Variants in XYLT1 observed in about 807,000 individuals in gnomAD.
XYLT1 encodes beta-D-xylosyltransferase 1.
XYLT1 carries 36 observed loss-of-function variants against 91.3 expected under a neutral mutation model. The observed-to-expected ratio is 0.39, with a 90% confidence interval of 0.30 to 0.52. XYLT1 has a LOEUF of 0.52. XYLT1 is among the 20% of genes least tolerant of loss of function. The probability of loss-of-function intolerance (pLI) is 0.68; values close to 1 mark genes in which losing one functional copy is unlikely to be tolerated. For synonymous variants in XYLT1, 588 were observed against 532.0 expected, an observed-to-expected ratio of 1.11 and a Z score of -1.45; for missense variants, 1,242 against 1,284.5, an observed-to-expected ratio of 0.97 and a Z score of 0.51.
At chr16:17,198,655 G>C (rs568095421) in intron 4 of XYLT1, among the ~76,000 whole-genome samples, 1 of 152,280 alleles carries the variant, frequency 6.6e-6, no homozygotes, top group African/African-American at 2.4e-5. Context: ...GCACTTCTGA[G>C]CTAATGGTTC....
chr16:17,198,108 G>T, intron 5 of XYLT1, 104 bp downstream of exon 5: 1 of 1,187,544 alleles, frequency 8.4e-7, no homozygotes, highest in Non-Finnish European at 1.2e-6. Flanking sequence ...GAGCGATCCT[G>T]TGGAGACTAT....
At chr16:17,201,568 A>G (rs2032543097) in intron 3 of XYLT1, among the ~76,000 whole-genome samples, 1 of 150,232 alleles carries the variant, frequency 6.7e-6, no homozygotes, top group Non-Finnish European at 1.5e-5. Context: ...TCCACCTCTC[A>G]GGTTCAAGTG....
intron 1 of XYLT1, among the ~76,000 whole-genome samples, chr16:17,392,352 C>T (rs979806219): frequency 1.1e-4 from 16 of 152,258 alleles, no homozygotes; most frequent in Admixed American, 2.0e-4. Flanking sequence ...GCTTCCTGGT[C>T]GTTGAGGTCT....
intron 3 of XYLT1, among the ~76,000 whole-genome samples, chr16:17,254,728 T>A (rs927554265): frequency 6.6e-6 from 1 of 152,082 alleles, no homozygotes; most frequent in African/African-American, 2.4e-5. Flanking sequence ...CAGTAAATAA[T>A]GGAAGTAACA....
In XYLT1 at chr16:17,259,330, C is replaced by G. The variant is rs1349440025; in HGVS notation, c.571G>C (p.Glu191Gln). The G allele has an allele frequency of 5.6e-6, 9 of 1,614,052 alleles. No individual in the cohort carries two copies. The highest frequency in any genetic ancestry group is 7.6e-6 in the Non-Finnish European group (9 of 1,180,040). ...LAKKPPSRQK[E>Q]LLKRKLEQQE... is the part of the protein sequence containing the mutation. Reference sequence around the variant, plus strand: ...TGTTCCAGCTTCCTTTTCAAAAGCTCCTTCTGTCTACTCGGTGGCTTCTTC... The same window carrying G: ...TGTTCCAGCTTCCTTTTCAAAAGCTGCTTCTGTCTACTCGGTGGCTTCTTC... The change falls in exon 3 of 12, where the codon GAG becomes CAG. Residue 191 changes from glutamate to glutamine, a missense_variant. Physicochemically the swap from Glu to Gln is conservative, Grantham distance 29 (BLOSUM62 2). This residue lies in a region of XYLT1 where 437 missense variants were observed against 411.5 expected (regional missense o/e 1.06). Coordinates refer to ENST00000261381, the MANE Select transcript of XYLT1 (RefSeq NM_022166.4).
intron 1 of XYLT1, among the ~76,000 whole-genome samples, chr16:17,417,593 T>C (rs2036195719): frequency 6.6e-6 from 1 of 152,126 alleles, no homozygotes; most frequent in South Asian, 2.1e-4. Flanking sequence ...TCAGGACTCT[T>C]CAAAGTTACA....
At chr16:17,325,988 T>C (rs2034795310) in intron 2 of XYLT1, among the ~76,000 whole-genome samples, 1 of 152,188 alleles carries the variant, frequency 6.6e-6, no homozygotes, top group African/African-American at 2.4e-5. Context: ...ATCCTGATTG[T>C]TTTCAAACAG....
chr16:17,289,353 TC>T (rs1350075944), intron 2 of XYLT1, among the ~76,000 whole-genome samples: 1 of 152,052 alleles, frequency 6.6e-6, no homozygotes, highest in East Asian at 1.9e-4. Context: ...CCTTTCTCTG[TC>T]TGTCGCCTCC....
chr16:17,284,090 T>C (rs1023571693), intron 2 of XYLT1, among the ~76,000 whole-genome samples: 10 of 152,164 alleles, frequency 6.6e-5, no homozygotes, highest in African/African-American at 2.2e-4. Flanking sequence ...CTTGGGCAAG[T>C]TACTTCTGAC....
intron 3 of XYLT1, among the ~76,000 whole-genome samples, chr16:17,213,915 C>A (rs1269321924): frequency 2.0e-5 from 3 of 152,200 alleles, no homozygotes; most frequent in Non-Finnish European, 4.4e-5. Flanking sequence ...CCGCACCTAG[C>A]CATTTGAGCA....
At chr16:17,383,533 T>C (rs2035707919) in intron 1 of XYLT1, among the ~76,000 whole-genome samples, 1 of 151,860 alleles carries the variant, frequency 6.6e-6, no homozygotes, top group Non-Finnish European at 1.5e-5. Flanking sequence ...TGACATACGG[T>C]CCTGGCTCGG....
intron 5 of XYLT1, among the ~76,000 whole-genome samples, chr16:17,170,220 T>C (rs906588996): frequency 2.0e-5 from 3 of 152,218 alleles, no homozygotes; most frequent in South Asian, 2.1e-4. Context: ...GAGAAAGGCA[T>C]GTCCACCCCT....
chr16:17,257,605 G>A (rs953921731), intron 3 of XYLT1, among the ~76,000 whole-genome samples: 1 of 152,172 alleles, frequency 6.6e-6, no homozygotes, highest in African/African-American at 2.4e-5. Context: ...AAACAACAGT[G>A]ACCACGAGTC....
rs2032872480 is a variant in XYLT1 at position 17,216,961 on chromosome 16, C to T, written c.914-16307G>A. Among the ~76,000 whole-genome samples, 2 of 152,204 alleles carry T rather than the reference C, an allele frequency of 1.3e-5. 1 individual carries two copies. The highest frequency in any genetic ancestry group is 4.8e-5 in the African/African-American group (2 of 41,460). On this transcript the variant is annotated intron_variant, in intron 3 of 11. Coordinates refer to ENST00000261381, the MANE Select transcript of XYLT1 (RefSeq NM_022166.4). ...AACATTTGGTTTTGCTCCTAGAGGG[C>T]AGGGATGGTGTTTCATTTACTTGGC... is the stretch of plus-strand genomic sequence containing the variant.
intron 1 of XYLT1, among the ~76,000 whole-genome samples, chr16:17,388,610 C>A (rs1458613239): frequency 6.6e-6 from 1 of 152,122 alleles, no homozygotes; most frequent in Non-Finnish European, 1.5e-5. Flanking sequence ...GGAGAAACAT[C>A]ATTGGAAAGG....
rs1364758750 is a variant in XYLT1 at position 17,137,828 on chromosome 16, GA to G, written c.1764+526del. 2.6e-5 allele frequency among the ~76,000 whole-genome samples: 4 copies of G among 152,244 alleles called. No individual in the cohort carries two copies. The East Asian group carries it at 7.7e-4, about 29-fold the overall frequency. ...AATTCATTAAAAATACAAATTCGTC[GA>G]TATCACTGATGAGGGTTTCTCAACC... On this transcript the variant is annotated intron_variant, in intron 8 of 11. Transcript: ENST00000261381.
chr16:17,456,110 G>C (rs775871154), intron 1 of XYLT1, among the ~76,000 whole-genome samples: 4 of 152,100 alleles, frequency 2.6e-5, no homozygotes, highest in Admixed American at 6.5e-5. Flanking sequence ...GCTTCACTCT[G>C]TGCACACAGA....
intron 6 of XYLT1, among the ~76,000 whole-genome samples, chr16:17,149,969 T>C (rs2031242206): frequency 6.6e-6 from 1 of 152,220 alleles, no homozygotes; most frequent in South Asian, 2.1e-4. Flanking sequence ...TGAATTTCTA[T>C]CTGTCCTATT....
chr16:17,160,334 C>A (rs1246331186), intron 5 of XYLT1, among the ~76,000 whole-genome samples: 1 of 152,170 alleles, frequency 6.6e-6, no homozygotes, highest in African/African-American at 2.4e-5. Context: ...CTCTGCCTCC[C>A]AACTCTTTGG....
Sources: allele counts gnomAD v4.1 joint callset (sites outside exome capture counted in the v4.1 genomes callset), GRCh38; gene constraint gnomAD v4.1.1; regional missense constraint gnomAD v4.1.1; transcripts MANE v1.5; gene names NCBI Gene and HGNC (gene_info 2026-07-23, HGNC 2026-07-21).